The following CUBN variants were observed in gnomAD, a reference collection of about 807,000 sequenced individuals.
CUBN encodes 460 kDa receptor.
Under a neutral mutation model 405.3 loss-of-function variants are expected in CUBN, and 282 were observed. That is an observed-to-expected ratio of 0.70 (90% CI 0.63 to 0.77). The LOEUF is 0.77. CUBN is among the 30% of genes least tolerant of loss of function. The probability of loss-of-function intolerance (pLI) is 0.00; values close to 1 mark genes in which losing one functional copy is unlikely to be tolerated. For missense variants in CUBN, 4,514 were observed against 4,475.2 expected (o/e 1.01, Z -0.25); for synonymous variants, 1,684 against 1,617.0 (o/e 1.04, Z -0.99).
chr10:16,925,627 A>T lies in CUBN; in HGVS notation c.6419T>A (p.Ile2140Asn). 1 of 1,614,086 alleles carries T rather than the reference A, an allele frequency of 6.2e-7. No homozygotes were observed. The highest frequency in any genetic ancestry group is 8.5e-7 in the Non-Finnish European group (1 of 1,179,968). Reference protein sequence around the residue: ...IAVHFEQPFQIPNGDSSCNQG... With the variant: ...IAVHFEQPFQNPNGDSSCNQG... ...GTTGCAAGAAGAATCTCCATTTGGA[A>T]TCTGGAAAGGCTGTTCAAAATGGAC... The change falls in exon 42 of 67, where the codon ATT becomes AAT. Residue 2140 changes from isoleucine (I) to asparagine (N), a missense_variant. By Grantham distance (149) the Ile-to-Asn change is moderately radical (BLOSUM62 -3). Transcript: ENST00000377833.
intron 13 of CUBN, among the ~76,000 whole-genome samples, chr10:17,102,252 C>CTTATTAT (rs201370313): frequency 2.1e-3 from 308 of 145,112 alleles, no homozygotes; most frequent in Non-Finnish European, 3.7e-3. Flanking sequence ...GGAGGATCCT[C>CTTATTAT]CTATTTATTT....
At chr10:16,872,062 T>G (rs1840370141) in intron 58 of CUBN, among the ~76,000 whole-genome samples, 2 of 150,928 alleles carry the variant, frequency 1.3e-5, no homozygotes, top group African/African-American at 4.9e-5. Flanking sequence ...CCATCTCTAC[T>G]AAATATATAT....
At chr10:17,128,345 AG>A (rs1453499211) in intron 2 of CUBN, among the ~76,000 whole-genome samples, 1 of 152,228 alleles carries the variant, frequency 6.6e-6, no homozygotes, top group Non-Finnish European at 1.5e-5. Context: ...ACAGCTGTGA[AG>A]GTCAAATGAG....
intron 22 of CUBN, among the ~76,000 whole-genome samples, chr10:17,060,359 G>T (rs1445737936): frequency 6.6e-6 from 1 of 151,596 alleles, no homozygotes; most frequent in East Asian, 2.0e-4. Context: ...GATCTCAGGT[G>T]ATCCGACTGC....
At chr10:16,882,283 TCAA>T in intron 56 of CUBN, among the ~76,000 whole-genome samples, 1 of 152,324 alleles carries the variant, frequency 6.6e-6, no homozygotes, top group East Asian at 1.9e-4. Flanking sequence ...AACTCTGTCT[TCAA>T]CAAGTGATTT....
At chr10:17,045,226 C>T in intron 24 of CUBN, 38 bp from the exon 25 acceptor site, 1 of 1,598,742 alleles carries the variant, frequency 6.3e-7, no homozygotes, top group African/African-American at 1.3e-5. Flanking sequence ...ACACCCCTTT[C>T]CTTCTGGGGA....
chr10:16,932,735 A>G lies in CUBN; in HGVS notation c.6124+352T>C, dbSNP rs1007488670. Among the ~76,000 whole-genome samples, 23 of 152,284 alleles carry G rather than the reference A, an allele frequency of 1.5e-4. No homozygotes were observed. The East Asian group carries it at 4.2e-3, about 28-fold the overall frequency. On this transcript the variant is annotated intron_variant, in intron 40 of 66. Transcript: ENST00000377833. The stretch of plus-strand genomic sequence containing the variant: ...CACTATGTCCAGTCACATTACAATT[A>G]TAAGTATTTTTTTCAGCCAGAAACA...
Position 17,126,767 on chromosome 10 carries a change from C to A in CUBN, c.381G>T (p.Leu127Phe). The A allele has an allele frequency of 1.2e-6, 2 of 1,614,132 alleles. No individual in the cohort carries two copies. Among genetic ancestry groups the A allele is most frequent in the Non-Finnish European group, 1.7e-6 (2 of 1,180,012 alleles). ...LVDLERKFQG[L>F]QQTVDKKVCS... is the part of the protein sequence containing the mutation. ...GTAGTAGCATGAGACCTACCTGCTG[C>A]AAGCCTTGGAATTTTCTCTCAAGAT... is the stretch of plus-strand genomic sequence containing the variant. The change falls in exon 4 of 67, where the codon TTG becomes TTT. Residue 127 changes from leucine (L) to phenylalanine (F), a missense_variant. Leu to Phe is a conservative substitution (Grantham distance 22). Transcript: ENST00000377833.
In CUBN at chr10:17,068,718, G is replaced by A. The variant is rs372526335; in HGVS notation, c.2678C>T (p.Thr893Ile). The A allele has an allele frequency of 4.3e-6, 7 of 1,612,110 alleles. No homozygotes were observed. In the African/African-American group the frequency reaches 9.4e-5, roughly 22 times the overall value. ...AGATGTTATAAATGAAGGTATGTCT[G>A]TACCGCAATACTTTTTATTTTCAGG... ...GSPENKKYCGTDIPSFITSVY... is the reference protein window; with the variant it reads ...GSPENKKYCGIDIPSFITSVY... Residue 893 changes from threonine (T) to isoleucine (I), a missense_variant, in exon 20 of 67, where the codon ACA (threonine) becomes ATA (isoleucine). By Grantham distance (89) the Thr-to-Ile change is moderately conservative (BLOSUM62 -1). Around this residue, in one of 5 missense-constraint regions of CUBN, gnomAD observed 1,448 missense variants for 1,388.0 expected, o/e 1.04. Coordinates refer to ENST00000377833, the MANE Select transcript of CUBN (RefSeq NM_001081.4).
chr10:16,919,305 G>C (rs531402981), intron 44 of CUBN, among the ~76,000 whole-genome samples: 1 of 152,302 alleles, frequency 6.6e-6, no homozygotes, highest in African/African-American at 2.4e-5. Context: ...TCCATGAGTG[G>C]AAAAGTAGTA....
intron 28 of CUBN, among the ~76,000 whole-genome samples, chr10:17,009,997 C>A (rs978083466): frequency 2.6e-5 from 4 of 152,248 alleles, no homozygotes; most frequent in Admixed American, 2.6e-4. Context: ...CTTGCTCTCA[C>A]CTTGTTCCTC....
intron 17 of CUBN, among the ~76,000 whole-genome samples, chr10:17,080,721 CT>C (rs1835948790): frequency 6.6e-6 from 1 of 152,196 alleles, no homozygotes; most frequent in Non-Finnish European, 1.5e-5. Flanking sequence ...TACAACTTCC[CT>C]TCTCTGGGAT....
chr10:17,001,284 G>A (rs1588568538), intron 28 of CUBN, among the ~76,000 whole-genome samples: 3 of 152,324 alleles, frequency 2.0e-5, no homozygotes, highest in East Asian at 3.9e-4. Context: ...ACAGCGTGCA[G>A]GGCAACCCCA....
At chr10:16,871,901 C>T (rs1840364841) in intron 58 of CUBN, among the ~76,000 whole-genome samples, 1 of 152,072 alleles carries the variant, frequency 6.6e-6, no homozygotes, top group Non-Finnish European at 1.5e-5. Context: ...AGAATGTAGG[C>T]TCTTAGTGCG....
In CUBN at chr10:17,065,709, T is replaced by C. The variant is rs73600202; in HGVS notation, c.3009-71A>G. ...ATACTGAAAATGATGTAACAAAAAT[T>C]TGGACATGTAAATATAATAATAGGT... On this transcript the variant is annotated intron_variant, in intron 21 of 66. Transcript: ENST00000377833. 6,268 of 1,575,566 alleles carry C rather than the reference T, an allele frequency of 4.0e-3. 219 individuals are homozygous for C. In the African/African-American group the frequency reaches 0.074, roughly 19 times the overall value.
At chr10:17,083,233 C>G (rs1035882130) in intron 17 of CUBN, among the ~76,000 whole-genome samples, 24 of 152,182 alleles carry the variant, frequency 1.6e-4, no homozygotes, top group African/African-American at 5.8e-4. Context: ...AGGCCGGTTG[C>G]AGTAGCTCAT....
intron 6 of CUBN, chr10:17,122,567 G>A (rs1301250104): frequency 3.4e-6 from 2 of 585,818 alleles, no homozygotes; most frequent in Admixed American, 2.2e-5. Flanking sequence ...GTTCCTTGGG[G>A]ATGTTAGAGC....
At chr10:16,912,536 C>A (rs1305041420) in intron 48 of CUBN, among the ~76,000 whole-genome samples, 2 of 152,060 alleles carry the variant, frequency 1.3e-5, no homozygotes, top group African/African-American at 4.8e-5. Context: ...AGGGTCAGGC[C>A]AGGGTGGGGT....
intron 8 of CUBN, 88 bp downstream of exon 8, chr10:17,113,938 CT>C: frequency 2.3e-6 from 3 of 1,282,964 alleles, no homozygotes; most frequent in Non-Finnish European, 3.3e-6. Context: ...TAAGAATTGT[CT>C]TCTTACTCAT....
Sources: allele counts gnomAD v4.1 joint callset (sites outside exome capture counted in the v4.1 genomes callset), GRCh38; gene constraint gnomAD v4.1.1; regional missense constraint gnomAD v4.1.1; transcripts MANE v1.5; gene names NCBI Gene and HGNC (gene_info 2026-07-23, HGNC 2026-07-21).